MAGI1: variants seen among roughly 807,000 people sequenced by gnomAD.
MAGI1 encodes the protein membrane-associated guanylate kinase, WW and PDZ domain-containing protein 1.
In MAGI1, 58 loss-of-function variants were observed where a neutral mutation model predicts 139.9. The ratio of observed to expected loss-of-function variants is 0.41; its 90% CI spans 0.34 to 0.52. MAGI1 has a LOEUF of 0.52. Among genes scored for constraint, MAGI1 ranks in the 20% least tolerant of loss-of-function variants. The probability of loss-of-function intolerance (pLI) is 0.12; values close to 1 mark genes in which losing one functional copy is unlikely to be tolerated. For missense variants in MAGI1, 1,874 were observed against 1,901.6 expected, an observed-to-expected ratio of 0.99 and a Z score of 0.27; for synonymous variants, 812 against 737.9, an observed-to-expected ratio of 1.10 and a Z score of -1.63.
chr3:65,653,104 C>A (rs775434970), intron 1 of MAGI1, among the ~76,000 whole-genome samples: 2 of 152,032 alleles, frequency 1.3e-5, no homozygotes, highest in African/African-American at 4.8e-5. Flanking sequence ...TCTTCCCCAG[C>A]GGAAATATGC....
intron 1 of MAGI1, among the ~76,000 whole-genome samples, chr3:65,785,259 G>A (rs1332143240): frequency 6.6e-6 from 1 of 152,102 alleles, no homozygotes; most frequent in Non-Finnish European, 1.5e-5. Context: ...AACCACAAGA[G>A]GGCGCTTTCC....
chr3:65,422,293 A>G (rs1946683692), intron 12 of MAGI1, among the ~76,000 whole-genome samples: 1 of 152,252 alleles, frequency 6.6e-6, no homozygotes, highest in Admixed American at 6.5e-5. Flanking sequence ...TTTGGAACCA[A>G]CATGATTCAC....
At chr3:65,505,525 G>C (rs892756421) in intron 2 of MAGI1, among the ~76,000 whole-genome samples, 18 of 151,722 alleles carry the variant, frequency 1.2e-4, no homozygotes, top group Non-Finnish European at 2.5e-4. Flanking sequence ...CGTGCCTGTA[G>C]TCCCAGAAAC....
At chr3:65,363,686 AG>A in intron 20 of MAGI1, 78 bp from the exon 21 acceptor site, 1 of 1,258,430 alleles carries the variant, frequency 7.9e-7, no homozygotes, top group Non-Finnish European at 1.1e-6. Context: ...CTTGGCAAAA[AG>A]GCACAATCTC....
At chr3:65,645,762 A>C (rs1470285193) in intron 1 of MAGI1, among the ~76,000 whole-genome samples, 1 of 152,110 alleles carries the variant, frequency 6.6e-6, no homozygotes, top group African/African-American at 2.4e-5. Flanking sequence ...AAGAGACGTA[A>C]GGTTTCAGCA....
chr3:65,860,502 C>T (rs148684016), intron 1 of MAGI1, among the ~76,000 whole-genome samples: 23 of 152,280 alleles, frequency 1.5e-4, no homozygotes, highest in African/African-American at 4.8e-4. Context: ...ATCCGGGCAG[C>T]CCGCGCGTTC....
Position 65,505,647 on chromosome 3 carries a change from A to AATAATAATAATC in MAGI1, c.431-12017_431-12016insGATTATTATTAT, listed in dbSNP as rs1331094297. 1.6e-4 allele frequency among the ~76,000 whole-genome samples: 24 copies of AATAATAATAATC among 149,268 alleles called. 1 individual carries two copies. Among genetic ancestry groups the AATAATAATAATC allele is most frequent in the African/African-American group, 4.9e-5 (2 of 40,836 alleles). The stretch of plus-strand genomic sequence containing the variant: ...GGGCGACAAAGTCTAAAATAATAAT[A>AATAATAATAATC]ATAATAATAATAATAATAATAGGGA... On this transcript the variant is annotated intron_variant, in intron 2 of 22. Transcript: ENST00000402939.
At chr3:65,450,600 G>C (rs1042192385) in intron 6 of MAGI1, among the ~76,000 whole-genome samples, 2 of 152,122 alleles carry the variant, frequency 1.3e-5, no homozygotes, top group East Asian at 3.9e-4. Flanking sequence ...GTATCTTTGA[G>C]ACAATCGTTG....
intron 1 of MAGI1, among the ~76,000 whole-genome samples, chr3:65,793,214 T>C (rs927903551): frequency 3.3e-5 from 5 of 152,216 alleles, no homozygotes; most frequent in Admixed American, 6.5e-5. Context: ...GTGTGCACCA[T>C]GCTGGCGCTC....
chr3:65,865,399 C>A (rs1182034401), intron 1 of MAGI1, among the ~76,000 whole-genome samples: 1 of 152,038 alleles, frequency 6.6e-6, no homozygotes, highest in Non-Finnish European at 1.5e-5. Flanking sequence ...AGATCAAGAC[C>A]TGCCTAGGCA....
chr3:65,469,499 T>C (rs916025992), intron 5 of MAGI1, among the ~76,000 whole-genome samples: 4 of 152,218 alleles, frequency 2.6e-5, no homozygotes, highest in East Asian at 1.9e-4. Flanking sequence ...TTTTTTCCTT[T>C]TCAGAAAAGC....
chr3:65,780,010 C>T (rs1190052114), intron 1 of MAGI1, among the ~76,000 whole-genome samples: 1 of 141,268 alleles, frequency 7.1e-6, no homozygotes, highest in African/African-American at 2.8e-5. Context: ...TGAGAACATG[C>T]TATCAATTTT....
At chr3:65,945,252 T>A (rs1057466754) in intron 1 of MAGI1, among the ~76,000 whole-genome samples, 11 of 152,176 alleles carry the variant, frequency 7.2e-5, no homozygotes, top group Non-Finnish European at 1.2e-4. Flanking sequence ...CAGGGATACA[T>A]GTGCAGGTTT....
intron 1 of MAGI1, among the ~76,000 whole-genome samples, chr3:65,988,650 G>A (rs968386404): frequency 3.9e-5 from 6 of 152,168 alleles, no homozygotes; most frequent in Non-Finnish European, 7.4e-5. Context: ...GTAATTAGCA[G>A]CTGTTGTTCA....
intron 1 of MAGI1, among the ~76,000 whole-genome samples, chr3:65,726,965 A>C (rs1457573974): frequency 6.6e-6 from 1 of 152,036 alleles, no homozygotes; most frequent in African/African-American, 2.4e-5. Flanking sequence ...CCAAAAAAAA[A>C]AAAAAAAAAA....
intron 2 of MAGI1, among the ~76,000 whole-genome samples, chr3:65,615,096 T>C (rs1241576899): frequency 1.3e-5 from 2 of 151,304 alleles, no homozygotes; most frequent in African/African-American, 4.9e-5. Flanking sequence ...AGGTGGAGTA[T>C]CAATAGAAGT....
At chr3:65,491,232 G>A (rs1251512974) in intron 3 of MAGI1, among the ~76,000 whole-genome samples, 2 of 152,118 alleles carry the variant, frequency 1.3e-5, no homozygotes, top group African/African-American at 2.4e-5. Flanking sequence ...AGAACTGGCT[G>A]TGCAACTCTG....
At chr3:65,360,336 A>G in intron 22 of MAGI1, 26 of 979,946 alleles carry the variant, frequency 2.7e-5, no homozygotes, top group Non-Finnish European at 3.0e-5. Flanking sequence ...CCCTACATCT[A>G]GGGCATAGCT....
In MAGI1 at chr3:65,507,302, T is replaced by G. The variant is rs141721935; in HGVS notation, c.431-13671A>C. ...TAACACATGCTTTTTTCCCTCATATTTATAGTGGTATTTACCTTGAAGGGG... is the reference window on the plus strand; with the variant it reads ...TAACACATGCTTTTTTCCCTCATATGTATAGTGGTATTTACCTTGAAGGGG... On this transcript the variant is annotated intron_variant, in intron 2 of 22. Coordinates refer to ENST00000402939, the MANE Select transcript of MAGI1 (RefSeq NM_001033057.2). 3.3e-3 allele frequency among the ~76,000 whole-genome samples: 508 copies of G among 152,344 alleles called. 2 individuals carry two copies. Among genetic ancestry groups the G allele is most frequent in the African/African-American group, 0.012 (484 of 41,576 alleles).
Sources: allele counts gnomAD v4.1 joint callset (sites outside exome capture counted in the v4.1 genomes callset), GRCh38; gene constraint gnomAD v4.1.1; transcripts MANE v1.5; gene names NCBI Gene and HGNC (gene_info 2026-07-23, HGNC 2026-07-21).